IRAG1: variants seen among roughly 807,000 people sequenced by gnomAD.
The protein encoded by IRAG1 is IP3R-associated cGMP kinase substrate.
A neutral mutation model predicts 106.2 loss-of-function variants in IRAG1; 62 were observed. That is an observed-to-expected ratio of 0.58 (90% CI 0.48 to 0.72). The LOEUF (loss-of-function observed/expected upper bound fraction) is 0.72. Ranked by LOEUF, IRAG1 falls within the 30% of genes least tolerant of loss-of-function variation. The pLI is 0.00. For missense variants in IRAG1, 1,064 were observed against 1,140.7 expected, an observed-to-expected ratio of 0.93 and a Z score of 0.97; for synonymous variants, 462 against 443.9, an observed-to-expected ratio of 1.04 and a Z score of -0.51.
In IRAG1 at chr11:10,576,275, G is replaced by A. The variant is rs2134037098; in HGVS notation, c.*57C>T. ...CACTTGGGCCTGACGTTATACTTGGGGAAAGGGTGGTAGTCTGAGTGTCTC... is the reference window on the plus strand; with the variant it reads ...CACTTGGGCCTGACGTTATACTTGGAGAAAGGGTGGTAGTCTGAGTGTCTC... On this transcript the variant is annotated 3_prime_UTR_variant, in exon 21 of 21. Transcript: ENST00000423302. 3.1e-6 allele frequency: 5 copies of A among 1,602,224 alleles called. No homozygotes were observed. The highest frequency in any genetic ancestry group is 4.3e-6 in the Non-Finnish European group (5 of 1,172,850).
At chr11:10,667,058 A>C (rs1158643009) in intron 1 of IRAG1, among the ~76,000 whole-genome samples, 2 of 152,160 alleles carry the variant, frequency 1.3e-5, no homozygotes, top group Non-Finnish European at 2.9e-5. Flanking sequence ...TGATTTTTTC[A>C]TTAATGCTAT....
intron 12 of IRAG1, among the ~76,000 whole-genome samples, chr11:10,605,881 G>A (rs1358033478): frequency 6.6e-6 from 1 of 152,226 alleles, no homozygotes; most frequent in African/African-American, 2.4e-5. Context: ...GACACAATGA[G>A]TTCTGAATTC....
chr11:10,612,037 CT>C (rs1855006891), intron 10 of IRAG1, among the ~76,000 whole-genome samples: 1 of 152,152 alleles, frequency 6.6e-6, no homozygotes, highest in African/African-American at 2.4e-5. Context: ...GGAAGGAAGA[CT>C]AACGGTAAAG....
chr11:10,594,233 G>A, intron 15 of IRAG1, 38 bp from the exon 16 acceptor site: 1 of 1,588,578 alleles, frequency 6.3e-7, no homozygotes, highest in Non-Finnish European at 8.6e-7. Flanking sequence ...ACACAGGTAA[G>A]TTTCAGGCTA....
intron 10 of IRAG1, among the ~76,000 whole-genome samples, chr11:10,613,949 C>T (rs1042127569): frequency 6.6e-6 from 1 of 152,148 alleles, no homozygotes; most frequent in African/African-American, 2.4e-5. Context: ...CACCTGTAAA[C>T]ATCACCTTTA....
chr11:10,617,104 G>C (rs1012921168), intron 10 of IRAG1: 4 of 985,238 alleles, frequency 4.1e-6, no homozygotes, highest in African/African-American at 3.5e-5. Flanking sequence ...TAGACTGGGG[G>C]TTTTGGAAGG....
In IRAG1 at chr11:10,607,878, C is replaced by T. The variant is rs118102603; in HGVS notation, c.1572-1106G>A. ...GACAAACAGCTGCAGGGATGTTTGA[C>T]ACTTACAGTCCTTGTCACAACCCCA... On this transcript the variant is annotated intron_variant, in intron 11 of 20. Transcript: ENST00000423302. 7.9e-3 allele frequency among the ~76,000 whole-genome samples: 1,203 copies of T among 152,298 alleles called. 7 individuals carry two copies. Among genetic ancestry groups the T allele is most frequent in the Middle Eastern group, 0.027 (8 of 294 alleles).
chr11:10,596,436 A>C (rs945865451), intron 15 of IRAG1, among the ~76,000 whole-genome samples: 3 of 152,152 alleles, frequency 2.0e-5, no homozygotes, highest in African/African-American at 7.2e-5. Flanking sequence ...GATGACTTTT[A>C]AGATCTTCCC....
At chr11:10,606,131 C>T (rs1854455697) in intron 12 of IRAG1, among the ~76,000 whole-genome samples, 1 of 152,218 alleles carries the variant, frequency 6.6e-6, no homozygotes, top group African/African-American at 2.4e-5. Context: ...GTCTGTCTTC[C>T]TCTGCTTATC....
Position 10,633,230 on chromosome 11 carries a change from A to T in IRAG1, c.329+738T>A, listed in dbSNP as rs575047540. ...GCTGGGACTACAGGCGCCCGCCACC[A>T]CACCCGGCTAATTTTTCTGTATTTG... On this transcript the variant is annotated intron_variant, in intron 3 of 20. Coordinates refer to ENST00000423302, the MANE Select transcript of IRAG1 (RefSeq NM_130385.4). Among the ~76,000 whole-genome samples, 761 of 151,546 alleles carry T rather than the reference A, an allele frequency of 5.0e-3. 6 individuals are homozygous for T. Among genetic ancestry groups the T allele is most frequent in the Non-Finnish European group, 6.9e-3 (470 of 67,864 alleles).
intron 20 of IRAG1, 70 bp downstream of exon 20, chr11:10,580,385 T>C (rs1302198153): frequency 6.4e-7 from 1 of 1,562,784 alleles, no homozygotes; most frequent in African/African-American, 1.4e-5. Context: ...AGGGATTTTG[T>C]GCATTTAAAT....
Position 10,628,631 on chromosome 11 carries a change from G to A in IRAG1, c.652+120C>T, listed in dbSNP as rs1252199952. The stretch of plus-strand genomic sequence containing the variant: ...GAGGGGTCTTGCTCTGGGTGTGAAG[G>A]GGCCATCAGAGTTCTTGAAGGGGAA... On this transcript the variant is annotated intron_variant, in intron 6 of 20. Transcript: ENST00000423302. This position sits in a 1 kb window ranked among gnomAD's most constrained non-coding sequence, Gnocchi z 4.1. 3.7e-6 allele frequency: 3 copies of A among 817,184 alleles called. No individual in the cohort carries two copies. Among genetic ancestry groups the A allele is most frequent in the Non-Finnish European group, 5.5e-6 (3 of 544,356 alleles). The allele number at this position is 817,184 out of a possible 1,614,324, so 50.6% of individuals were successfully genotyped here. A position where few individuals can be genotyped will look rare whatever the true frequency, so the allele number is the denominator to read the frequency against.
At chr11:10,617,981 C>T (rs924070668) in intron 10 of IRAG1, among the ~76,000 whole-genome samples, 3 of 152,174 alleles carry the variant, frequency 2.0e-5, no homozygotes, top group African/African-American at 7.2e-5. Context: ...CCTGATGCTT[C>T]CTTACCTGCA....
chr11:10,668,127 T>C (rs1434117910), intron 1 of IRAG1, among the ~76,000 whole-genome samples: 2 of 152,212 alleles, frequency 1.3e-5, no homozygotes, highest in Non-Finnish European at 2.9e-5. Context: ...TGAAAGACCC[T>C]ACTCATCCTT....
chr11:10,618,200 C>T (rs1248732052), intron 10 of IRAG1, among the ~76,000 whole-genome samples: 1 of 152,074 alleles, frequency 6.6e-6, no homozygotes, highest in African/African-American at 2.4e-5. Context: ...CTTCTGCTGT[C>T]CCCCTGCTTG....
At chr11:10,602,579 C>T (rs1273502499) in intron 14 of IRAG1, among the ~76,000 whole-genome samples, 1 of 152,220 alleles carries the variant, frequency 6.6e-6, no homozygotes, top group Non-Finnish European at 1.5e-5. Flanking sequence ...GTGCCCCGCT[C>T]CGCCACTAAC....
rs1156640400 is a variant in IRAG1, at chr11:10,652,719, G to A, written c.68-537C>T. On this transcript the variant is annotated intron_variant, in intron 1 of 20. Coordinates refer to ENST00000423302, the MANE Select transcript of IRAG1 (RefSeq NM_130385.4). ...CAGATCTTCCTGATTTTGAGGCTGG[G>A]GCTTTTTCTGCTATACTACACAGTG... Among the ~76,000 whole-genome samples the A allele has an allele frequency of 2.6e-5, 4 of 152,138 alleles. No individual in the cohort carries two copies. The East Asian group carries it at 7.7e-4, about 29-fold the overall frequency.
Position 10,652,017 on chromosome 11 carries a change from G to A in IRAG1, c.225+8C>T, listed in dbSNP as rs1858556563. On this transcript the variant is annotated splice_region_variant and intron_variant, in intron 2 of 20. Transcript: ENST00000423302. ...CAGGCTAGCTGAGGGCAGGGAGGGG[G>A]CACTTACTTGGCCGGCAGGGCTCTG... The A allele has an allele frequency of 2.6e-6, 4 of 1,558,040 alleles. No individual in the cohort carries two copies. In the African/African-American group the frequency reaches 4.1e-5, roughly 16 times the overall value.
At chr11:10,635,924 G>C (rs904337773) in intron 2 of IRAG1, among the ~76,000 whole-genome samples, 1 of 151,350 alleles carries the variant, frequency 6.6e-6, no homozygotes, top group Non-Finnish European at 1.5e-5. Context: ...AGTGCAGAAA[G>C]CTACAGTGGC....
Sources: allele counts gnomAD v4.1 joint callset (sites outside exome capture counted in the v4.1 genomes callset), GRCh38; gene constraint gnomAD v4.1.1; non-coding constraint Gnocchi (gnomAD v3.1); transcripts MANE v1.5; gene names NCBI Gene and HGNC (gene_info 2026-07-23, HGNC 2026-07-21).